Variants in DAB1 observed in about 807,000 individuals in gnomAD.
DAB1 encodes disabled homolog 1.
Under a neutral mutation model 64.6 loss-of-function variants are expected in DAB1, and 15 were observed. That is an observed-to-expected ratio of 0.23 (90% CI 0.16 to 0.36). The LOEUF (loss-of-function observed/expected upper bound fraction) is 0.36, where lower values mean the gene tolerates loss of function less well. DAB1 is among the 10% of genes least tolerant of loss of function. DAB1 has a pLI of 1.00. For missense variants in DAB1, 596 were observed against 706.7 expected (o/e 0.84, Z 1.78); for synonymous variants, 235 against 251.9 (o/e 0.93, Z 0.64).
chr1:57,161,231 G>A (rs543976310), intron 2 of DAB1, among the ~76,000 whole-genome samples: 7 of 152,260 alleles, frequency 4.6e-5, no homozygotes, highest in East Asian at 1.9e-4. Context: ...AATGACAGGC[G>A]TGGTGCTCAG....
intron 9 of DAB1, among the ~76,000 whole-genome samples, chr1:57,036,841 A>C (rs758364751): frequency 6.6e-5 from 10 of 152,214 alleles, no homozygotes; most frequent in Non-Finnish European, 1.5e-4. Context: ...TCTTCCTATA[A>C]TCTCTTTTCA....
intron 3 of DAB1, among the ~76,000 whole-genome samples, chr1:57,144,762 G>T (rs1004111304): frequency 2.0e-5 from 3 of 151,202 alleles, no homozygotes; most frequent in African/African-American, 7.3e-5. Context: ...CTTCTTTATA[G>T]CATTTAAAAT....
At chr1:58,443,436 G>A (rs922313148) in intron 3 of DAB1, among the ~76,000 whole-genome samples, 4 of 152,026 alleles carry the variant, frequency 2.6e-5, no homozygotes, top group South Asian at 4.2e-4. Flanking sequence ...TTACATCATC[G>A]CCAAGGCTTT....
chr1:57,146,732 T>C (rs1199353779), intron 2 of DAB1, among the ~76,000 whole-genome samples: 1 of 152,208 alleles, frequency 6.6e-6, no homozygotes, highest in Non-Finnish European at 1.5e-5. Context: ...AACAGATGAA[T>C]GAGACAATAT....
At chr1:57,904,364 C>T (rs1011853076) in intron 5 of DAB1, among the ~76,000 whole-genome samples, 1 of 152,112 alleles carries the variant, frequency 6.6e-6, no homozygotes, top group Non-Finnish European at 1.5e-5. Flanking sequence ...GTCTTTCATT[C>T]ACCAGCTGGT....
At chr1:58,185,347 C>G (rs1657017056) in intron 4 of DAB1, among the ~76,000 whole-genome samples, 1 of 152,150 alleles carries the variant, frequency 6.6e-6, no homozygotes, top group African/African-American at 2.4e-5. Flanking sequence ...ATGGGACCCC[C>G]AGCAGTATTT....
At chr1:57,325,357 G>A (rs773064209) in intron 1 of DAB1, among the ~76,000 whole-genome samples, 9 of 152,174 alleles carry the variant, frequency 5.9e-5, no homozygotes, top group South Asian at 4.1e-4. Context: ...GGCAGAGGAC[G>A]AAACAGGGTG....
intron 7 of DAB1, among the ~76,000 whole-genome samples, chr1:57,536,581 A>T (rs1192804425): frequency 6.6e-6 from 1 of 150,782 alleles, no homozygotes; most frequent in Non-Finnish European, 1.5e-5. Flanking sequence ...TAAACCTAAT[A>T]CACGTCCTAG....
intron 5 of DAB1, among the ~76,000 whole-genome samples, chr1:57,916,199 C>T (rs899525197): frequency 6.6e-6 from 1 of 152,156 alleles, no homozygotes; most frequent in African/African-American, 2.4e-5. Flanking sequence ...GCCAAACCAC[C>T]ACCTCAGAGC....
intron 2 of DAB1, among the ~76,000 whole-genome samples, chr1:57,276,260 C>T (rs674966): frequency 0.5 from 75,366 of 152,050 alleles, 18,950 homozygotes; most frequent in Admixed American, 0.64. Flanking sequence ...CTCTCCATAG[C>T]GCTCAAGGCA....
At chr1:58,250,241 T>G (rs1340038649) in intron 4 of DAB1, among the ~76,000 whole-genome samples, 1 of 151,898 alleles carries the variant, frequency 6.6e-6, no homozygotes, top group Admixed American at 6.5e-5. Context: ...TTCTCCTACC[T>G]CCAGCCGCCG....
intron 7 of DAB1, among the ~76,000 whole-genome samples, chr1:57,455,360 A>ATTC (rs1686548104): frequency 6.6e-6 from 1 of 152,150 alleles, no homozygotes. Context: ...AGATGAGGAA[A>ATTC]CTGAGATACA....
chr1:57,192,082 C>T (rs978727504), intron 2 of DAB1, among the ~76,000 whole-genome samples: 7 of 152,002 alleles, frequency 4.6e-5, no homozygotes, highest in Admixed American at 2.6e-4. Flanking sequence ...TTTGGGAAGC[C>T]GAGGCAGGCA....
At chr1:57,534,398 T>G (rs1057310884) in intron 7 of DAB1, among the ~76,000 whole-genome samples, 5 of 152,170 alleles carry the variant, frequency 3.3e-5, no homozygotes, top group African/African-American at 1.2e-4. Context: ...GTGGATTAAA[T>G]CCTGTTGCAG....
intron 4 of DAB1, among the ~76,000 whole-genome samples, chr1:57,073,609 T>C (rs1315722419): frequency 6.6e-6 from 1 of 152,138 alleles, no homozygotes. Flanking sequence ...ATACTGGGTA[T>C]CAGGAGGCCT....
intron 4 of DAB1, among the ~76,000 whole-genome samples, chr1:57,075,103 C>T (rs572233158): frequency 3.3e-5 from 5 of 152,226 alleles, no homozygotes; most frequent in African/African-American, 7.2e-5. Flanking sequence ...ATCCACGTTT[C>T]CTATTAAATC....
Position 58,427,654 on chromosome 1 carries a change from C to G in DAB1, n.257+78406G>C, listed in dbSNP as rs182604622. On this transcript the variant is annotated intron_variant and non_coding_transcript_variant, in intron 3 of 20. Transcript: ENST00000485760. ...AGTTCCAAGATTCTGGTCCAAGCAA[C>G]TGGAAAGATGCAGTTGCCACTGAAT... Among the ~76,000 whole-genome samples, 40 of 152,270 alleles carry G rather than the reference C, an allele frequency of 2.6e-4. 1 individual carries two copies. Among genetic ancestry groups the G allele is most frequent in the African/African-American group, 7.7e-4 (32 of 41,554 alleles).
intron 14 of DAB1, among the ~76,000 whole-genome samples, chr1:57,006,518 C>T (rs903529371): frequency 2.6e-5 from 4 of 152,168 alleles, no homozygotes; most frequent in African/African-American, 9.7e-5. Flanking sequence ...TGGCACTATG[C>T]CTGAGGTCTT....
At chr1:57,237,256 A>T (rs1018410073) in intron 2 of DAB1, among the ~76,000 whole-genome samples, 2 of 152,210 alleles carry the variant, frequency 1.3e-5, no homozygotes, top group South Asian at 2.1e-4. Context: ...ATTTGTTGGG[A>T]TGAAGCAGGC....
Sources: gnomAD v4.1 joint callset for allele counts (sites outside exome capture counted in the v4.1 genomes callset) on GRCh38, gnomAD v4.1.1 for gene constraint, MANE v1.5 for transcripts, NCBI Gene and HGNC (gene_info 2026-07-23, HGNC 2026-07-21) for gene names.